The following ACSL1 variants were observed in gnomAD, a reference collection of about 807,000 sequenced individuals.
ACSL1 encodes the protein acyl-CoA synthetase long chain family member 1, also known as long-chain-fatty-acid--CoA ligase 1.
ACSL1 carries 41 observed loss-of-function variants against 98.4 expected under a neutral mutation model. That is an observed-to-expected ratio of 0.42 (90% confidence interval 0.32 to 0.54). ACSL1 has a LOEUF of 0.54. ACSL1 is among the 20% of genes least tolerant of loss of function. The pLI, the probability that ACSL1 is intolerant of heterozygous loss-of-function variation, is 0.13. For synonymous variants in ACSL1, 316 were observed against 322.7 expected, an observed-to-expected ratio of 0.98 and a Z score of 0.22; for missense variants, 734 against 883.1, an observed-to-expected ratio of 0.83 and a Z score of 2.14.
chr4:184,794,849 C>T (rs1057489271), intron 2 of ACSL1, among the ~76,000 whole-genome samples: 4 of 152,208 alleles, frequency 2.6e-5, no homozygotes, highest in African/African-American at 9.6e-5. Flanking sequence ...ACACTTGCTC[C>T]TAACCCTCAG....
At chr4:184,788,522 G>T (rs1305462459) in intron 3 of ACSL1, 95 bp downstream of exon 3, 2 of 1,010,496 alleles carry the variant, frequency 2.0e-6, no homozygotes, top group Non-Finnish European at 3.1e-6. Flanking sequence ...TCCTAAGGAG[G>T]CGAAAGATAG....
intron 2 of ACSL1, among the ~76,000 whole-genome samples, chr4:184,801,065 A>G (rs534609975): frequency 1.3e-5 from 2 of 152,308 alleles, no homozygotes; most frequent in East Asian, 3.9e-4. Context: ...TATGTTGCCC[A>G]TGCTGGTCTC....
chr4:184,803,335 CT>C lies in ACSL1; in HGVS notation c.179del (p.Gln60ArgfsTer50). ...PLKPPCDLSM[Q>X]SVEVAGSGGA... Reference sequence around the variant, plus strand: ...CTCCACTCACCGCCACTTCCACTGACTGCATGGAGAGGTCGCATGGCGGCTT... The same window carrying C: ...CTCCACTCACCGCCACTTCCACTGACGCATGGAGAGGTCGCATGGCGGCTT... On this transcript the variant is annotated frameshift_variant, in exon 2 of 21. Transcript: ENST00000281455. LOFTEE classifies it high-confidence loss of function. The surrounding 1 kb of genome is among the most constrained non-coding windows in gnomAD (Gnocchi z 4.8). 1 of 1,601,126 alleles carries C rather than the reference CT, an allele frequency of 6.2e-7. No homozygotes were observed. The highest frequency in any genetic ancestry group is 1.3e-5 in the African/African-American group (1 of 74,626).
At chr4:184,816,817 C>T (rs1433719636) in intron 1 of ACSL1, among the ~76,000 whole-genome samples, 5 of 152,068 alleles carry the variant, frequency 3.3e-5, no homozygotes, top group Admixed American at 3.3e-4. Context: ...GTATCATGTG[C>T]AGGACAGTAA....
intron 7 of ACSL1, among the ~76,000 whole-genome samples, chr4:184,774,741 G>A (rs531709672): frequency 1.3e-5 from 2 of 152,282 alleles, no homozygotes; most frequent in African/African-American, 4.8e-5. Context: ...TTCAATTCAC[G>A]TGGAAATTAG....
chr4:184,797,332 T>C (rs12504993), intron 2 of ACSL1, among the ~76,000 whole-genome samples: 15,372 of 152,284 alleles, frequency 0.1, 943 homozygotes, highest in Non-Finnish European at 0.14. Context: ...GCAAAAATTA[T>C]TTCTCCTAGT....
intron 18 of ACSL1, among the ~76,000 whole-genome samples, chr4:184,760,049 A>T (rs1278997872): frequency 6.6e-6 from 1 of 152,224 alleles, no homozygotes; most frequent in Non-Finnish European, 1.5e-5. Flanking sequence ...ACCCATGTCA[A>T]TATTTTCTTT....
intron 1 of ACSL1, among the ~76,000 whole-genome samples, chr4:184,822,601 T>C (rs1773148032): frequency 6.6e-6 from 1 of 151,988 alleles, no homozygotes; most frequent in African/African-American, 2.4e-5. Context: ...TAGCTGGGCA[T>C]AGTGATGTGC....
At chr4:184,759,356 C>T (rs1052473839) in intron 18 of ACSL1, among the ~76,000 whole-genome samples, 2 of 152,242 alleles carry the variant, frequency 1.3e-5, no homozygotes, top group Middle Eastern at 6.8e-3. Flanking sequence ...TTAAACTAAA[C>T]AGCTTCTGCA....
Position 184,773,894 on chromosome 4 carries a change from A to T in ACSL1, c.757-19T>A. On this transcript the variant is annotated intron_variant, in intron 7 of 20. Coordinates refer to ENST00000281455, the MANE Select transcript of ACSL1 (RefSeq NM_001995.5). The surrounding 1 kb of genome is among the most constrained non-coding windows in gnomAD (Gnocchi z 4.3). ...CCAGGTCCTTAATTAGAAGAGAAAA[A>T]AAGTCTTAAATGGAAACGTTTTCTA... is the stretch of plus-strand genomic sequence containing the variant. 6.2e-7 allele frequency: 1 copy of T among 1,613,796 alleles called. No homozygotes were observed. Among genetic ancestry groups the T allele is most frequent in the Non-Finnish European group, 8.5e-7 (1 of 1,179,816 alleles).
At chr4:184,796,903 C>A (rs933456991) in intron 2 of ACSL1, among the ~76,000 whole-genome samples, 3 of 152,224 alleles carry the variant, frequency 2.0e-5, no homozygotes, top group African/African-American at 7.2e-5. Context: ...CCCTGCCTCT[C>A]AGCGTTCACC....
At chr4:184,779,142 G>T (rs1458311038) in intron 5 of ACSL1, among the ~76,000 whole-genome samples, 1 of 152,092 alleles carries the variant, frequency 6.6e-6, no homozygotes, top group Non-Finnish European at 1.5e-5. Context: ...GATATGTTTT[G>T]GCTGTGTCCC....
chr4:184,788,873 C>A, intron 2 of ACSL1, 142 bp from the exon 3 acceptor site: 1 of 644,516 alleles, frequency 1.6e-6, no homozygotes, highest in Non-Finnish European at 2.7e-6. Context: ...AATCTATTCT[C>A]TTAGTAATTT....
At chr4:184,771,556 T>TC (rs1764517859) in intron 10 of ACSL1, among the ~76,000 whole-genome samples, 1 of 152,162 alleles carries the variant, frequency 6.6e-6, no homozygotes, top group African/African-American at 2.4e-5. Context: ...CACAGACAGA[T>TC]TAAGTTTGGA....
chr4:184,824,851 C>T (rs1037433147), intron 1 of ACSL1, among the ~76,000 whole-genome samples: 2 of 152,198 alleles, frequency 1.3e-5, no homozygotes, highest in African/African-American at 4.8e-5. Context: ...AAGAAACAAT[C>T]AACCGGAAGC....
At position 184,777,780 on chromosome 4, in the gene ACSL1, A is replaced by AG. The variant is rs1491168394; in HGVS notation, c.478-798_478-797insC. 1.1e-3 allele frequency among the ~76,000 whole-genome samples: 159 copies of AG among 148,148 alleles called. 2 individuals carry two copies. In the South Asian group the frequency reaches 0.019, roughly 18 times the overall value. The stretch of plus-strand genomic sequence containing the variant: ...TGAGATTGCCTTTGGAAAGAGAAAG[A>AG]AAGAGAGAGAGAGAGACAGAGACAG... On this transcript the variant is annotated intron_variant, in intron 5 of 20. Transcript: ENST00000281455.
intron 3 of ACSL1, among the ~76,000 whole-genome samples, chr4:184,785,108 CATTT>C (rs1241622924): frequency 3.9e-5 from 6 of 152,240 alleles, no homozygotes; most frequent in Non-Finnish European, 7.3e-5. Context: ...CACACTCATT[CATTT>C]TTGTTCTGTG....
intron 2 of ACSL1, among the ~76,000 whole-genome samples, chr4:184,792,585 C>T (rs777339212): frequency 3.3e-5 from 5 of 152,132 alleles, no homozygotes; most frequent in Non-Finnish European, 7.4e-5. Context: ...ACCACAGACA[C>T]GTGCCACCTT....
In ACSL1 at chr4:184,766,577, CG is replaced by C; in HGVS notation, c.1263+44del. 6.3e-7 allele frequency: 1 copy of C among 1,589,946 alleles called. No individual in the cohort carries two copies. The highest frequency in any genetic ancestry group is 8.6e-7 in the Non-Finnish European group (1 of 1,162,680). On this transcript the variant is annotated intron_variant, in intron 13 of 20. Coordinates refer to ENST00000281455, the MANE Select transcript of ACSL1 (RefSeq NM_001995.5). This position sits in a 1 kb window ranked among gnomAD's most constrained non-coding sequence, Gnocchi z 4.8. ...AAGGCCCTCCCAGAACTCTGAAAAG[CG>C]AAGTCGGTTTCCATGGGAGCAGTGG...
Sources: allele counts gnomAD v4.1 joint callset (sites outside exome capture counted in the v4.1 genomes callset), GRCh38; gene constraint gnomAD v4.1.1; non-coding constraint Gnocchi (gnomAD v3.1); transcripts MANE v1.5; gene names NCBI Gene and HGNC (gene_info 2026-07-23, HGNC 2026-07-21).